Variants in OR2T10 observed in about 807,000 individuals in gnomAD.
OR2T10 encodes olfactory receptor family 2 subfamily T member 10.
For missense variants in OR2T10, 335 were observed against 382.5 expected (o/e 0.88, Z 1.04); for synonymous variants, 125 against 141.8 (o/e 0.88, Z 0.84).
rs370374350 is a variant in OR2T10 at position 248,593,620 on chromosome 1, T to C, written c.149A>G (p.His50Arg). Residue 50 changes from histidine (H) to arginine (R), a missense_variant, in exon 2 of 2, where the codon CAC becomes CGC. By Grantham distance (29) the His-to-Arg change is conservative (BLOSUM62 0). Transcript: ENST00000642090. The stretch of plus-strand genomic sequence containing the variant: ...GGGAGTATGCAGAGAGGAGTCAATG[T>C]GGATCAGAAGTATCAATGTAATATT... ...SWNITLILLIHIDSSLHTPMY... is the reference protein window; with the variant it reads ...SWNITLILLIRIDSSLHTPMY... 1 of 1,564,160 alleles carries C rather than the reference T, an allele frequency of 6.4e-7. No individual in the cohort carries two copies.
intron 1 of OR2T10, 142 bp downstream of exon 1, chr1:248,597,350 A>G (rs1660107505): frequency 8.5e-6 from 1 of 118,020 alleles, no homozygotes; most frequent in African/African-American, 3.4e-5. Flanking sequence ...TAATATAACA[A>G]TGTTAGTATA....
Position 248,593,151 on chromosome 1 carries a change from C to A in OR2T10, c.618G>T (p.Met206Ile). Reference sequence around the variant, plus strand: ...AAATGACCGTCACAGGTATCAGGAGCATGATGACACAGCACAAGTACATGA... The same window carrying A: ...AAATGACCGTCACAGGTATCAGGAGAATGATGACACAGCACAAGTACATGA... The part of the protein sequence containing the change: ...KIFMYLCCVI[M>I]LLIPVTVISV... The change falls in exon 2 of 2, where the codon ATG (methionine) becomes ATT (isoleucine). Residue 206 changes from methionine to isoleucine, a missense_variant. Met to Ile is a conservative substitution (Grantham distance 10, BLOSUM62 1). Coordinates refer to ENST00000642090, the MANE Select transcript of OR2T10 (RefSeq NM_001004693.2). 6.4e-7 allele frequency: 1 copy of A among 1,572,504 alleles called. No homozygotes were observed. Among genetic ancestry groups the A allele is most frequent in the Non-Finnish European group, 8.6e-7 (1 of 1,156,358 alleles).
At position 248,595,406 on chromosome 1, in the gene OR2T10, A is replaced by T. The variant is rs1351513176; in HGVS notation, c.-28-1610T>A. Among the ~76,000 whole-genome samples, 3 of 143,454 alleles carry T rather than the reference A, an allele frequency of 2.1e-5. 1 individual carries two copies. The highest frequency in any genetic ancestry group is 4.5e-5 in the Non-Finnish European group (3 of 66,288). The allele number at this position is 143,454 out of a possible 152,430, so 94.1% of individuals were successfully genotyped here. A position where few individuals can be genotyped will look rare whatever the true frequency, so the allele number is the denominator to read the frequency against. On this transcript the variant is annotated intron_variant, in intron 1 of 1. Coordinates refer to ENST00000642090, the MANE Select transcript of OR2T10 (RefSeq NM_001004693.2). ...TTTATATTTTTTATCATTAACTTAA[A>T]ATTTATAAATAAGAATTATTGCAAT... is the stretch of plus-strand genomic sequence containing the variant.
Position 248,593,589 on chromosome 1 carries a change from G to A in OR2T10, c.180C>T (p.Tyr60=). ...HIDSSLHTPM[Y]FFINQLSLID... is the part of the protein sequence containing the mutation. Reference sequence around the variant, plus strand: ...TGAGTGAGAGCTGGTTTATAAAGAAGTACATGGGAGTATGCAGAGAGGAGT... The same window carrying A: ...TGAGTGAGAGCTGGTTTATAAAGAAATACATGGGAGTATGCAGAGAGGAGT... The change falls in exon 2 of 2, where the codon TAC becomes TAT. Residue 60 remains tyrosine (Y), a synonymous_variant. Coordinates refer to ENST00000642090, the MANE Select transcript of OR2T10 (RefSeq NM_001004693.2). 3 of 1,566,228 alleles carry A rather than the reference G, an allele frequency of 1.9e-6. No individual in the cohort carries two copies. The highest frequency in any genetic ancestry group is 2.6e-6 in the Non-Finnish European group (3 of 1,152,244).
In OR2T10 at chr1:248,593,557, A is replaced by C; in HGVS notation, c.212T>G (p.Leu71Trp). The C allele has an allele frequency of 6.4e-7, 1 of 1,568,488 alleles. No individual in the cohort carries two copies. Among genetic ancestry groups the C allele is most frequent in the Non-Finnish European group, 8.7e-7 (1 of 1,153,370 alleles). Residue 71 changes from leucine to tryptophan, a missense_variant, in exon 2 of 2, where the codon TTG becomes TGG. Physicochemically the swap from Leu to Trp is moderately conservative, Grantham distance 61. Coordinates refer to ENST00000642090, the MANE Select transcript of OR2T10 (RefSeq NM_001004693.2). Reference sequence around the variant, plus strand: ...GGGGACAGTGACAGAAATATATGTCAAGTCTATGAGTGAGAGCTGGTTTAT... The same window carrying C: ...GGGGACAGTGACAGAAATATATGTCCAGTCTATGAGTGAGAGCTGGTTTAT... ...FFINQLSLID[L>W]TYISVTVPKM...
Position 248,593,830 on chromosome 1 carries a change from T to C in OR2T10, c.-28-34A>G, listed in dbSNP as rs552337245. 99 of 835,762 alleles carry C rather than the reference T, an allele frequency of 1.2e-4. 20 individuals are homozygous for C. In the African/African-American group the frequency reaches 1.8e-3, roughly 15 times the overall value. 51.8% of individuals were successfully genotyped at this position (835,762 alleles called of 1,614,324 possible). A position where few individuals can be genotyped will look rare whatever the true frequency, so the allele number is the denominator to read the frequency against. On this transcript the variant is annotated intron_variant, in intron 1 of 1. Coordinates refer to ENST00000642090, the MANE Select transcript of OR2T10 (RefSeq NM_001004693.2). ...CAAAAGTAAACTTTATTTATAATCATGTGTGTACCACGTAAAAGTATGTTT... is the reference window on the plus strand; with the variant it reads ...CAAAAGTAAACTTTATTTATAATCACGTGTGTACCACGTAAAAGTATGTTT...
Position 248,592,745 on chromosome 1 carries a change from A to G in OR2T10, c.*85T>C. 2.4e-6 allele frequency: 2 copies of G among 826,726 alleles called. No individual in the cohort carries two copies. The highest frequency in any genetic ancestry group is 1.7e-5 in the South Asian group (1 of 57,304). 51.2% of individuals were successfully genotyped at this position (826,726 alleles called of 1,614,324 possible). ...ACAACTCAGGGAGTCAGACACTACC[A>G]CAATATGCTGATTGTTTGGTGGAAG... On this transcript the variant is annotated 3_prime_UTR_variant, in exon 2 of 2. Coordinates refer to ENST00000642090, the MANE Select transcript of OR2T10 (RefSeq NM_001004693.2).
At position 248,590,988 on chromosome 1, in the gene OR2T10, T is replaced by C. The variant is rs1163125596; in HGVS notation, c.*1842A>G. ...TTCTGAGTTTACTTTTGAGATAATT[T>C]TTCTATGGCTGAAGAATTTTATCCA... On this transcript the variant is annotated 3_prime_UTR_variant, in exon 2 of 2. Coordinates refer to ENST00000642090, the MANE Select transcript of OR2T10 (RefSeq NM_001004693.2). 7.0e-6 allele frequency: 1 copy of C among 143,882 alleles called. No individual in the cohort carries two copies. The highest frequency in any genetic ancestry group is 2.7e-5 in the African/African-American group (1 of 36,724). 8.9% of individuals were successfully genotyped at this position (143,882 alleles called of 1,614,324 possible).
In OR2T10 at chr1:248,593,516, G is replaced by C. The variant is rs1296209958; in HGVS notation, c.253C>G (p.Gln85Glu). 1.3e-6 allele frequency: 2 copies of C among 1,572,170 alleles called. No homozygotes were observed. Residue 85 changes from glutamine (Q) to glutamate (E), a missense_variant, in exon 2 of 2, where the codon CAG (glutamine) becomes GAG (glutamate). By Grantham distance (29) the Gln-to-Glu change is conservative. Coordinates refer to ENST00000642090, the MANE Select transcript of OR2T10 (RefSeq NM_001004693.2). Reference sequence around the variant, plus strand: ...GAGATGGTCTTGTCTTTGGCCAGCTGGTTCACCAGCATTTTGGGGACAGTG... The same window carrying C: ...GAGATGGTCTTGTCTTTGGCCAGCTCGTTCACCAGCATTTTGGGGACAGTG... ...SVTVPKMLVN[Q>E]LAKDKTISVL...
Position 248,592,983 on chromosome 1 carries a change from G to A in OR2T10, c.786C>T (p.Pro262=), listed in dbSNP as rs1660034809. Residue 262 remains proline, a synonymous_variant, in exon 2 of 2, where the codon CCC becomes CCT. Coordinates refer to ENST00000642090, the MANE Select transcript of OR2T10 (RefSeq NM_001004693.2). ...YGAAIYNYML[P]SSYQTPEKDM... Reference sequence around the variant, plus strand: ...CTTTCTCAGGAGTTTGGTAGGAGCTGGGGAGCATGTAGTTGTAAATAGCAG... The same window carrying A: ...CTTTCTCAGGAGTTTGGTAGGAGCTAGGGAGCATGTAGTTGTAAATAGCAG... 6.4e-7 allele frequency: 1 copy of A among 1,572,008 alleles called. No individual in the cohort carries two copies. The highest frequency in any genetic ancestry group is 1.5e-5 in the African/African-American group (1 of 66,638).
Position 248,593,740 on chromosome 1 carries a change from C to A in OR2T10, c.29G>T (p.Gly10Val). MRLANQTLG[G>V]DFFLLGIFSQ... ...GAAGATTCCCAACAGGAAAAAGTCA[C>A]CACCCAGGGTCTGGTTGGCCAGCCG... Residue 10 changes from glycine to valine, a missense_variant, in exon 2 of 2, where the codon GGT (glycine) becomes GTT (valine). By Grantham distance (109) the Gly-to-Val change is moderately radical. Coordinates refer to ENST00000642090, the MANE Select transcript of OR2T10 (RefSeq NM_001004693.2). The A allele has an allele frequency of 1.3e-6, 2 of 1,563,704 alleles. No homozygotes were observed. The highest frequency in any genetic ancestry group is 1.7e-6 in the Non-Finnish European group (2 of 1,150,858).
rs1402221781 is a variant in OR2T10, at chr1:248,591,391, A to C, written c.*1439T>G. On this transcript the variant is annotated 3_prime_UTR_variant, in exon 2 of 2. Coordinates refer to ENST00000642090, the MANE Select transcript of OR2T10 (RefSeq NM_001004693.2). ...TGTATACACCCTTTAAGTGCTAAAAAAGATGAAGATTTTTATTTGTTTTGC... is the reference window on the plus strand; with the variant it reads ...TGTATACACCCTTTAAGTGCTAAAACAGATGAAGATTTTTATTTGTTTTGC... The C allele has an allele frequency of 2.1e-5, 3 of 143,814 alleles. 1 individual carries two copies. The highest frequency in any genetic ancestry group is 2.0e-4 in the East Asian group (1 of 5,026). 8.9% of individuals were successfully genotyped at this position (143,814 alleles called of 1,614,324 possible).
rs1660036949 is a variant in OR2T10, at chr1:248,593,071, C to A, written c.698G>T (p.Gly233Val). ...LTIHKMNSVE[G>V]RKKAFTTCSS... ...GCAGGTGGTGAAGGCCTTTTTCCGA[C>A]CCTCAACTGAGTTCATCTTATGGAT... Residue 233 changes from glycine (G) to valine (V), a missense_variant, in exon 2 of 2, where the codon GGT (glycine) becomes GTT (valine). Coordinates refer to ENST00000642090, the MANE Select transcript of OR2T10 (RefSeq NM_001004693.2). 6.4e-7 allele frequency: 1 copy of A among 1,571,416 alleles called. No homozygotes were observed. The highest frequency in any genetic ancestry group is 1.7e-5 in the Admixed American group (1 of 58,246).
chr1:248,593,306 C>A lies in OR2T10; in HGVS notation c.463G>T (p.Asp155Tyr). 1 of 1,572,998 alleles carries A rather than the reference C, an allele frequency of 6.4e-7. No homozygotes were observed. The highest frequency in any genetic ancestry group is 8.6e-7 in the Non-Finnish European group (1 of 1,156,702). The change falls in exon 2 of 2, where the codon GAT becomes TAT. Residue 155 changes from aspartate to tyrosine, a missense_variant. By Grantham distance (160) the Asp-to-Tyr change is radical (BLOSUM62 -3). Transcript: ENST00000642090. ...ASGCWFVGSVDGFMLTPIAMS... is the reference protein window; with the variant it reads ...ASGCWFVGSVYGFMLTPIAMS... ...GCGATGGGAGTGAGCATGAAGCCAT[C>A]CACTGAGCCCACAAACCAGCAGCCT...
At position 248,597,691 on chromosome 1, in the gene OR2T10, G is replaced by A. The variant is rs1164877832; in HGVS notation, c.-228C>T. Reference sequence around the variant, plus strand: ...TATGAACTTGATGACTCTCCCTGAAGAGCAGCTGATGCTGCCGAGTCTAAC... The same window carrying A: ...TATGAACTTGATGACTCTCCCTGAAAAGCAGCTGATGCTGCCGAGTCTAAC... On this transcript the variant is annotated 5_prime_UTR_variant, in exon 1 of 2. Coordinates refer to ENST00000642090, the MANE Select transcript of OR2T10 (RefSeq NM_001004693.2). 4 of 143,440 alleles carry A rather than the reference G, an allele frequency of 2.8e-5. 1 individual carries two copies. The highest frequency in any genetic ancestry group is 1.1e-4 in the African/African-American group (4 of 36,444). The allele number at this position is 143,440 out of a possible 1,614,324, so 8.9% of individuals were successfully genotyped here.
At position 248,597,668 on chromosome 1, in the gene OR2T10, T is replaced by G. The variant is rs907550612; in HGVS notation, c.-205A>C. The G allele has an allele frequency of 7.0e-6, 1 of 143,524 alleles. No individual in the cohort carries two copies. The highest frequency in any genetic ancestry group is 1.5e-5 in the Non-Finnish European group (1 of 66,306). The allele number at this position is 143,524 out of a possible 1,614,324, so 8.9% of individuals were successfully genotyped here. A position where few individuals can be genotyped will look rare whatever the true frequency, so the allele number is the denominator to read the frequency against. Reference sequence around the variant, plus strand: ...AGGGTTTCAGATGATGAAACACTTATGAACTTGATGACTCTCCCTGAAGAG... The same window carrying G: ...AGGGTTTCAGATGATGAAACACTTAGGAACTTGATGACTCTCCCTGAAGAG... On this transcript the variant is annotated 5_prime_UTR_variant, in exon 1 of 2. Coordinates refer to ENST00000642090, the MANE Select transcript of OR2T10 (RefSeq NM_001004693.2).
rs755468359 is a variant in OR2T10 at position 248,593,797 on chromosome 1, C to G, written c.-28-1G>C. ...GTATGATCGGCTGAAGTGGCTTTAC[C>G]TGGAGGACAAAAGTAAACTTTATTT... On this transcript the variant is annotated splice_acceptor_variant, in intron 1 of 1. Transcript: ENST00000642090. LOFTEE classifies it low-confidence loss of function (5UTR_SPLICE). 1 of 1,243,508 alleles carries G rather than the reference C, an allele frequency of 8.0e-7. No homozygotes were observed. The highest frequency in any genetic ancestry group is 1.3e-5 in the South Asian group (1 of 78,940). 77.0% of individuals were successfully genotyped at this position (1,243,508 alleles called of 1,614,324 possible). A position where few individuals can be genotyped will look rare whatever the true frequency, so the allele number is the denominator to read the frequency against.
chr1:248,591,880 C>T lies in OR2T10; in HGVS notation c.*950G>A, dbSNP rs1317786387. The T allele has an allele frequency of 2.8e-5, 4 of 144,318 alleles. No individual in the cohort carries two copies. The highest frequency in any genetic ancestry group is 2.0e-4 in the Admixed American group (3 of 14,820). 8.9% of individuals were successfully genotyped at this position (144,318 alleles called of 1,614,324 possible). A position where few individuals can be genotyped will look rare whatever the true frequency, so the allele number is the denominator to read the frequency against. On this transcript the variant is annotated 3_prime_UTR_variant, in exon 2 of 2. Transcript: ENST00000642090. ...GCTGTGAAAATAAAAGTGTTCCATA[C>T]ATGTCACGCACTAAAAATGGTGCCA...
rs1660027954 is a variant in OR2T10 at position 248,592,643 on chromosome 1, G to A, written c.*187C>T. The A allele has an allele frequency of 6.4e-6, 3 of 469,152 alleles. 1 individual carries two copies. Among genetic ancestry groups the A allele is most frequent in the African/African-American group, 4.5e-5 (2 of 44,536 alleles). 29.1% of individuals were successfully genotyped at this position (469,152 alleles called of 1,614,324 possible). Reference sequence around the variant, plus strand: ...CTGGACTAGAGATCAATGCTACGAGGGAAGGGGGGGATAAGTGAACATCAT... The same window carrying A: ...CTGGACTAGAGATCAATGCTACGAGAGAAGGGGGGGATAAGTGAACATCAT... On this transcript the variant is annotated 3_prime_UTR_variant, in exon 2 of 2. Coordinates refer to ENST00000642090, the MANE Select transcript of OR2T10 (RefSeq NM_001004693.2).
Sources: gnomAD v4.1 joint callset for allele counts (sites outside exome capture counted in the v4.1 genomes callset) on GRCh38, gnomAD v4.1.1 for gene constraint, MANE v1.5 for transcripts, NCBI Gene and HGNC (gene_info 2026-07-23, HGNC 2026-07-21) for gene names.